Variants in PLCG2 observed in about 807,000 individuals in gnomAD.
The protein encoded by PLCG2 is 1-phosphatidylinositol 4,5-bisphosphate phosphodiesterase gamma-2.
Under a neutral mutation model 175.6 loss-of-function variants are expected in PLCG2, and 69 were observed. That is an observed-to-expected ratio of 0.39 (90% CI 0.32 to 0.48). The LOEUF (loss-of-function observed/expected upper bound fraction) is 0.48, where lower values mean the gene tolerates loss of function less well. Ranked by LOEUF, PLCG2 falls within the 20% of genes least tolerant of loss-of-function variation. PLCG2 has a pLI of 0.91. For missense variants in PLCG2, 1,798 were observed against 1,650.9 expected (o/e 1.09, Z -1.54); for synonymous variants, 827 against 624.0 (o/e 1.33, Z -4.85).
At chr16:81,926,410 G>C (rs1351136015) in intron 22 of PLCG2, among the ~76,000 whole-genome samples, 1 of 152,208 alleles carries the variant, frequency 6.6e-6, no homozygotes. Flanking sequence ...TTGCCGGGAG[G>C]AATCTTAGAG....
At chr16:81,774,339 A>G (rs1170555091), upstream of PLCG2, among the ~76,000 whole-genome samples, 2 of 151,820 alleles carry the variant, frequency 1.3e-5, no homozygotes, top group Non-Finnish European at 2.9e-5. Context: ...AGTAAAAAAA[A>G]CAAAACAAAA....
At position 81,960,777 on chromosome 16, in the gene PLCG2, C is replaced by G. The variant is rs1369576143; in HGVS notation, c.*2779C>G. On this transcript the variant is annotated 3_prime_UTR_variant, in exon 33 of 33. Coordinates refer to ENST00000564138, the MANE Select transcript of PLCG2 (RefSeq NM_002661.5). ...AAATCTAAACTTAAGTCGCCATGGC[C>G]AGTGGCCTTTAGATTAAGCTAGCCT... is the stretch of plus-strand genomic sequence containing the variant. 4.4e-6 allele frequency: 1 copy of G among 229,282 alleles called. No homozygotes were observed. The highest frequency in any genetic ancestry group is 2.2e-5 in the African/African-American group (1 of 45,096). The allele number at this position is 229,282 out of a possible 1,614,324, so 14.2% of individuals were successfully genotyped here.
intron 7 of PLCG2, among the ~76,000 whole-genome samples, chr16:81,880,245 A>C (rs550061997): frequency 1.3e-5 from 2 of 152,174 alleles, no homozygotes; most frequent in African/African-American, 4.8e-5. Flanking sequence ...TCTCTAAAGA[A>C]ACCTGGCAGT....
intron 2 of PLCG2, among the ~76,000 whole-genome samples, chr16:81,844,386 G>C (rs1906002223): frequency 6.6e-6 from 1 of 151,920 alleles, no homozygotes; most frequent in Non-Finnish European, 1.5e-5. Flanking sequence ...TGTGATCTTG[G>C]CTCACTGCAA....
At chr16:81,792,424 T>C (rs1385343332) in intron 2 of PLCG2, among the ~76,000 whole-genome samples, 1 of 129,918 alleles carries the variant, frequency 7.7e-6, no homozygotes, top group Non-Finnish European at 1.5e-5. Context: ...GAGGCTGCAG[T>C]GAGCCGAGAT....
At chr16:81,890,598 G>T (rs1164469846) in intron 10 of PLCG2, among the ~76,000 whole-genome samples, 2 of 152,224 alleles carry the variant, frequency 1.3e-5, no homozygotes, top group South Asian at 2.1e-4. Flanking sequence ...GAAACAGAAT[G>T]CGAAGGTGTC....
intron 5 of PLCG2, among the ~76,000 whole-genome samples, chr16:81,861,500 T>C (rs1312635518): frequency 2.0e-5 from 3 of 152,190 alleles, no homozygotes; most frequent in Non-Finnish European, 2.9e-5. Context: ...ACTCCATGTT[T>C]TTCTGTCCAC....
intron 2 of PLCG2, among the ~76,000 whole-genome samples, chr16:81,843,827 T>A (rs72832061): frequency 1.2e-4 from 18 of 152,224 alleles, no homozygotes; most frequent in African/African-American, 4.3e-4. Context: ...AAGAACTCAA[T>A]AGAATGGGCA....
chr16:81,819,336 C>G (rs1479138404), intron 2 of PLCG2, among the ~76,000 whole-genome samples: 1 of 152,124 alleles, frequency 6.6e-6, no homozygotes, highest in Admixed American at 6.5e-5. Flanking sequence ...TATCCATTTT[C>G]AGAGCTCATT....
intron 11 of PLCG2, among the ~76,000 whole-genome samples, chr16:81,892,664 T>C (rs1045875345): frequency 6.7e-6 from 1 of 150,260 alleles, no homozygotes; most frequent in African/African-American, 2.4e-5. Context: ...AAAAAAAAAC[T>C]TTTATTTTCA....
intron 2 of PLCG2, among the ~76,000 whole-genome samples, chr16:81,842,297 C>T (rs1171257234): frequency 6.6e-6 from 1 of 152,134 alleles, no homozygotes; most frequent in African/African-American, 2.4e-5. Flanking sequence ...GGGAGGAGCC[C>T]CAGTGTGGAC....
chr16:81,741,593 T>C (rs1305019415), intron 1 of PLCG2, among the ~76,000 whole-genome samples: 1 of 152,154 alleles, frequency 6.6e-6, no homozygotes, highest in Admixed American at 6.6e-5. Context: ...GCAGATCAGT[T>C]GAGGCCAGGA....
At chr16:81,785,224 A>C (rs4480797) in intron 1 of PLCG2, among the ~76,000 whole-genome samples, 64,031 of 151,670 alleles carry the variant, frequency 0.42, 13,664 homozygotes, top group South Asian at 0.64. Context: ...AACAGCAATC[A>C]AGGACACCTC....
chr16:81,948,737 T>C (rs909101434), intron 31 of PLCG2, among the ~76,000 whole-genome samples: 2 of 152,176 alleles, frequency 1.3e-5, no homozygotes, highest in Admixed American at 1.3e-4. Flanking sequence ...TCAGCTAAAG[T>C]TGGTCAGTTT....
At chr16:81,840,258 C>T (rs1597348167) in intron 2 of PLCG2, among the ~76,000 whole-genome samples, 1 of 152,154 alleles carries the variant, frequency 6.6e-6, no homozygotes, top group East Asian at 1.9e-4. Context: ...GAGCTGCCCA[C>T]CCTGTCATGG....
chr16:81,929,307 A>G (rs1456494408), intron 24 of PLCG2, among the ~76,000 whole-genome samples: 1 of 152,218 alleles, frequency 6.6e-6, no homozygotes, highest in Non-Finnish European at 1.5e-5. Context: ...CTGGGCAGGC[A>G]CGGGCATGCT....
intron 1 of PLCG2, among the ~76,000 whole-genome samples, chr16:81,750,663 A>ATGTTTTT (rs1909790859): frequency 1.5e-5 from 1 of 68,446 alleles, no homozygotes; most frequent in African/African-American, 5.0e-5. Context: ...GGGACTGGAG[A>ATGTTTTT]TTTTTTTTTT....
chr16:81,813,720 T>A (rs1904417700), intron 2 of PLCG2, among the ~76,000 whole-genome samples: 1 of 152,150 alleles, frequency 6.6e-6, no homozygotes, highest in Non-Finnish European at 1.5e-5. Context: ...AGGCTGGAAG[T>A]TCCCAGGCAG....
At chr16:81,792,229 C>T (rs950310614) in intron 2 of PLCG2, among the ~76,000 whole-genome samples, 2 of 151,786 alleles carry the variant, frequency 1.3e-5, no homozygotes, top group African/African-American at 4.8e-5. Flanking sequence ...CACCTGTAAT[C>T]CCAGGACTTT....
Sources: gnomAD v4.1 joint callset for allele counts (sites outside exome capture counted in the v4.1 genomes callset) on GRCh38, gnomAD v4.1.1 for gene constraint, MANE v1.5 for transcripts, NCBI Gene and HGNC (gene_info 2026-07-23, HGNC 2026-07-21) for gene names.